Variants in PCDHA4 observed in about 807,000 individuals in gnomAD.
The protein encoded by PCDHA4 is protocadherin alpha 4.
A neutral mutation model predicts 61.4 loss-of-function variants in PCDHA4; 49 were observed. The observed-to-expected ratio is 0.80, with a 90% CI of 0.63 to 1.01. The LOEUF (loss-of-function observed/expected upper bound fraction) is 1.01, where lower values mean the gene tolerates loss of function less well. Ranked by LOEUF, PCDHA4 falls within the 50% of genes least tolerant of loss-of-function variation. The probability of loss-of-function intolerance (pLI) is 0.00; values close to 1 mark genes in which losing one functional copy is unlikely to be tolerated. For synonymous variants in PCDHA4, 590 were observed against 550.3 expected (o/e 1.07, Z -1.01); for missense variants, 1,254 against 1,235.8 (o/e 1.01, Z -0.22).
intron 3 of PCDHA4, among the ~76,000 whole-genome samples, chr5:140,993,099 C>T (rs1253807421): frequency 6.6e-6 from 1 of 152,206 alleles, no homozygotes; most frequent in Non-Finnish European, 1.5e-5. Context: ...TATGTTTATT[C>T]AGCGGTCAGT....
intron 1 of PCDHA4, chr5:140,927,627 T>G (rs145171269): frequency 6.2e-7 from 1 of 1,614,180 alleles, no homozygotes; most frequent in Non-Finnish European, 8.5e-7. Context: ...TTCCAGAGAC[T>G]GCACCCAATG....
intron 1 of PCDHA4, among the ~76,000 whole-genome samples, chr5:140,909,492 C>T (rs955748526): frequency 4.6e-5 from 7 of 152,160 alleles, no homozygotes; most frequent in East Asian, 3.9e-4. Context: ...GAGAGCTGAA[C>T]GGGGATGTGG....
chr5:140,843,113 G>A (rs1234618172), intron 1 of PCDHA4: 1 of 1,595,750 alleles, frequency 6.3e-7, no homozygotes, highest in Admixed American at 1.7e-5. Context: ...GCGCGCAGTG[G>A]ACGCCGACTC....
At chr5:140,842,469 G>A in intron 1 of PCDHA4, 3 of 1,613,864 alleles carry the variant, frequency 1.9e-6, no homozygotes, top group Non-Finnish European at 2.5e-6. Context: ...GGTGCCAACG[G>A]GCAGGTGACC....
intron 1 of PCDHA4, chr5:140,968,696 A>G (rs1554230980): frequency 6.2e-7 from 1 of 1,614,134 alleles, no homozygotes; most frequent in Non-Finnish European, 8.5e-7. Context: ...AGAAATTAGG[A>G]CTACCAGGAA....
At chr5:140,966,889 C>T in intron 1 of PCDHA4, 1 of 1,593,902 alleles carries the variant, frequency 6.3e-7, no homozygotes, top group Non-Finnish European at 8.5e-7. Flanking sequence ...GCCCTGCGGC[C>T]TCCCAGCTGC....
chr5:140,972,469 C>G (rs782470724), intron 1 of PCDHA4, among the ~76,000 whole-genome samples: 6 of 152,054 alleles, frequency 3.9e-5, no homozygotes, highest in Admixed American at 3.9e-4. Context: ...TATTAAACAT[C>G]AGCATTTAAC....
rs1219590569 is a variant in PCDHA4, at chr5:140,835,123, A to G, written c.2385+25551A>G. 4 of 1,326,346 alleles carry G rather than the reference A, an allele frequency of 3.0e-6. No homozygotes were observed. In the African/African-American group the frequency reaches 4.8e-5, roughly 16 times the overall value. The allele number at this position is 1,326,346 out of a possible 1,614,324, so 82.2% of individuals were successfully genotyped here. ...GCCCCAGTGTTCGACAGAACCCTGT[A>G]TACGGTGAAATTACCAGAAAACGTT... is the stretch of plus-strand genomic sequence containing the variant. On this transcript the variant is annotated intron_variant, in intron 1 of 3. Coordinates refer to ENST00000530339, the MANE Select transcript of PCDHA4 (RefSeq NM_018907.4).
chr5:140,955,998 G>A (rs1194688184), intron 1 of PCDHA4, among the ~76,000 whole-genome samples: 1 of 152,174 alleles, frequency 6.6e-6, no homozygotes, highest in Non-Finnish European at 1.5e-5. Context: ...CATTGATTTT[G>A]TATCCTGAGA....
At chr5:140,849,659 C>T in intron 1 of PCDHA4, 4 of 1,598,722 alleles carry the variant, frequency 2.5e-6, no homozygotes, top group Non-Finnish European at 3.4e-6. Flanking sequence ...TTACCTGCTC[C>T]CTGACGCCCC....
intron 1 of PCDHA4, chr5:140,868,870 C>T: frequency 1.6e-6 from 1 of 619,808 alleles, no homozygotes; most frequent in Admixed American, 3.3e-5. Flanking sequence ...ATGCAGTGCA[C>T]AGTACTCACA....
At chr5:140,828,934 T>G in intron 1 of PCDHA4, 1 of 1,614,266 alleles carries the variant, frequency 6.2e-7, no homozygotes, top group Non-Finnish European at 8.5e-7. Context: ...CATATTCTTT[T>G]AATAGCCTTG....
At chr5:140,990,025 T>C (rs2097371572) in intron 3 of PCDHA4, among the ~76,000 whole-genome samples, 1 of 151,914 alleles carries the variant, frequency 6.6e-6, no homozygotes, top group African/African-American at 2.4e-5. Flanking sequence ...AGGCAAAGGA[T>C]GGGAGAAGTC....
chr5:140,978,906 T>C, intron 1 of PCDHA4, 43 bp from the exon 2 acceptor site: 1 of 1,613,530 alleles, frequency 6.2e-7, no homozygotes, highest in Non-Finnish European at 8.5e-7. Flanking sequence ...GGGAGAACAT[T>C]GTCTTGTCAT....
Position 140,808,507 on chromosome 5 carries a change from T to A in PCDHA4, c.1320T>A (p.Ser440Arg). The change falls in exon 1 of 4, where the codon AGT (serine) becomes AGA (arginine). Residue 440 changes from serine to arginine, a missense_variant. Physicochemically the swap from Ser to Arg is moderately radical, Grantham distance 110. Coordinates refer to ENST00000530339, the MANE Select transcript of PCDHA4 (RefSeq NM_018907.4). ...CGCCTTCGCTGTGGGCCACGGCCAG[T>A]GTTTCTGTGGAGGTGGCTGATGTGA... is the stretch of plus-strand genomic sequence containing the variant. ...GGSPSLWATASVSVEVADVND... is the reference protein window; with the variant it reads ...GGSPSLWATARVSVEVADVND... 3 of 1,614,038 alleles carry A rather than the reference T, an allele frequency of 1.9e-6. No homozygotes were observed. The highest frequency in any genetic ancestry group is 1.7e-6 in the Non-Finnish European group (2 of 1,180,014).
chr5:140,995,901 A>C (rs2097702550), intron 3 of PCDHA4, among the ~76,000 whole-genome samples: 3 of 152,212 alleles, frequency 2.0e-5, no homozygotes, highest in Non-Finnish European at 1.5e-5. Flanking sequence ...CAATGTATAA[A>C]AGAGGAGAGA....
chr5:140,851,102 G>T (rs1439831567), intron 1 of PCDHA4: 1 of 1,288,512 alleles, frequency 7.8e-7, no homozygotes, highest in Non-Finnish European at 1.0e-6. Context: ...ATATTTTTTG[G>T]GTGCTGAATC....
intron 1 of PCDHA4, chr5:140,967,704 G>A: frequency 6.2e-7 from 1 of 1,614,196 alleles, no homozygotes; most frequent in Non-Finnish European, 8.5e-7. Context: ...ATAGATGCCA[G>A]TACCGGGGAA....
At chr5:140,833,817 G>A (rs1772671317) in intron 1 of PCDHA4, among the ~76,000 whole-genome samples, 1 of 152,028 alleles carries the variant, frequency 6.6e-6, no homozygotes, top group Non-Finnish European at 1.5e-5. Context: ...GAGATCCTGG[G>A]TCCCTAAAAG....
Sources: gnomAD v4.1 joint callset for allele counts (sites outside exome capture counted in the v4.1 genomes callset) on GRCh38, gnomAD v4.1.1 for gene constraint, MANE v1.5 for transcripts, NCBI Gene and HGNC (gene_info 2026-07-23, HGNC 2026-07-21) for gene names.